The following GNG2 variants were observed in gnomAD, a reference collection of about 807,000 sequenced individuals.
GNG2 encodes the protein G protein subunit gamma 2, also known as guanine nucleotide-binding protein G(I)/G(S)/G(O) subunit gamma-2.
A neutral mutation model predicts 5.5 loss-of-function variants in GNG2; 5 were observed. The ratio of observed to expected loss-of-function variants is 0.91; its 90% confidence interval spans 0.48 to 1.92. GNG2 has a LOEUF of 1.92. Ranked by LOEUF, GNG2 falls within the 30% of genes most tolerant of loss-of-function variation. The pLI, the probability that GNG2 is intolerant of heterozygous loss-of-function variation, is 0.01. For synonymous variants in GNG2, 28 were observed against 32.0 expected (o/e 0.88, Z 0.42); for missense variants, 55 against 88.4 (o/e 0.62, Z 1.52).
intron 1 of GNG2, among the ~76,000 whole-genome samples, chr14:51,827,374 C>T (rs941507878): frequency 3.9e-5 from 6 of 152,206 alleles, no homozygotes; most frequent in Non-Finnish European, 8.8e-5. Context: ...CTACTCCAGG[C>T]TTATCAAACC....
chr14:51,927,997 A>G (rs1366749816), intron 2 of GNG2, among the ~76,000 whole-genome samples: 2 of 148,802 alleles, frequency 1.3e-5, no homozygotes, highest in East Asian at 2.0e-4. Flanking sequence ...TGAAGTCTCA[A>G]TTGGGTATTT....
chr14:51,918,489 T>C (rs1379186279), intron 2 of GNG2: 3 of 152,222 alleles, frequency 2.0e-5, no homozygotes, highest in Non-Finnish European at 4.4e-5. Context: ...CAAAGATATT[T>C]TCTAAAAATA....
intron 3 of GNG2, among the ~76,000 whole-genome samples, chr14:51,952,579 C>T (rs116679754): frequency 0.033 from 4,985 of 152,292 alleles, 193 homozygotes; most frequent in East Asian, 0.14. Flanking sequence ...TGATAAAAGT[C>T]TGTGAAGCTT....
chr14:51,906,656 T>C (rs1885937447), intron 2 of GNG2, among the ~76,000 whole-genome samples: 1 of 152,138 alleles, frequency 6.6e-6, no homozygotes, highest in Non-Finnish European at 1.5e-5. Flanking sequence ...TATTTTTAAA[T>C]GAATTTGCAA....
At chr14:51,906,510 T>C (rs1212738214) in intron 2 of GNG2, among the ~76,000 whole-genome samples, 2 of 152,184 alleles carry the variant, frequency 1.3e-5, no homozygotes, top group Non-Finnish European at 2.9e-5. Flanking sequence ...TGCATTGGCA[T>C]CTCTAGAACA....
chr14:51,965,012 A>T (rs1181712238), intron 3 of GNG2, among the ~76,000 whole-genome samples: 1 of 152,176 alleles, frequency 6.6e-6, no homozygotes, highest in Admixed American at 6.5e-5. Flanking sequence ...AGGGTTCCTC[A>T]TAAATTATTT....
At chr14:51,876,837 C>T (rs991353865) in intron 1 of GNG2, among the ~76,000 whole-genome samples, 8 of 152,136 alleles carry the variant, frequency 5.3e-5, no homozygotes, top group Admixed American at 4.6e-4. Flanking sequence ...TCATACTATT[C>T]TAGATGTGAG....
chr14:51,905,850 G>A (rs573576188), intron 2 of GNG2, among the ~76,000 whole-genome samples: 112 of 152,308 alleles, frequency 7.4e-4, no homozygotes, highest in African/African-American at 2.1e-3. Context: ...AATTTTACTC[G>A]GCACTTTTCC....
intron 2 of GNG2, among the ~76,000 whole-genome samples, chr14:51,847,687 G>A (rs78270164): frequency 0.05 from 7,619 of 152,074 alleles, 264 homozygotes; most frequent in Non-Finnish European, 0.077. Flanking sequence ...CAGACGAGAG[G>A]GGCCATGGAC....
At chr14:51,920,279 G>A (rs147751066) in intron 2 of GNG2, among the ~76,000 whole-genome samples, 3 of 151,984 alleles carry the variant, frequency 2.0e-5, no homozygotes, top group East Asian at 1.9e-4. Context: ...AGGGACAACG[G>A]TATTTGCATG....
At chr14:51,909,855 C>A (rs1209887810) in intron 2 of GNG2, among the ~76,000 whole-genome samples, 1 of 152,204 alleles carries the variant, frequency 6.6e-6, no homozygotes, top group Non-Finnish European at 1.5e-5. Flanking sequence ...CAACAGCCTA[C>A]AACCATTCCT....
At chr14:51,883,378 C>A (rs1244814814) in intron 2 of GNG2, among the ~76,000 whole-genome samples, 4 of 152,230 alleles carry the variant, frequency 2.6e-5, no homozygotes, top group Non-Finnish European at 5.9e-5. Flanking sequence ...TTAAATATCT[C>A]TGTTAGCTTT....
At chr14:51,830,910 T>C (rs1881170225) in intron 2 of GNG2, among the ~76,000 whole-genome samples, 1 of 152,230 alleles carries the variant, frequency 6.6e-6, no homozygotes, top group African/African-American at 2.4e-5. Context: ...AGCTAAATAG[T>C]TAAAATGGCT....
At chr14:51,865,949 G>GA (rs10578977) in intron 1 of GNG2, among the ~76,000 whole-genome samples, 55 of 151,030 alleles carry the variant, frequency 3.6e-4, no homozygotes, top group African/African-American at 1.2e-3. Context: ...ATTAAACACT[G>GA]AAAAAAAAAA....
intron 2 of GNG2, among the ~76,000 whole-genome samples, chr14:51,921,047 G>A (rs1470782337): frequency 6.6e-6 from 1 of 152,140 alleles, no homozygotes; most frequent in Admixed American, 6.5e-5. Context: ...TAAAATTAGA[G>A]AATTAAGATG....
chr14:51,870,898 A>G (rs1167166397), intron 1 of GNG2, among the ~76,000 whole-genome samples: 1 of 152,226 alleles, frequency 6.6e-6, no homozygotes, highest in African/African-American at 2.4e-5. Context: ...ATTTCTGTGC[A>G]TGTTCATCAT....
intron 2 of GNG2, among the ~76,000 whole-genome samples, chr14:51,888,466 A>G (rs1343159202): frequency 6.6e-6 from 1 of 152,050 alleles, no homozygotes; most frequent in Non-Finnish European, 1.5e-5. Context: ...CCACAGGTGC[A>G]CACCACCACG....
chr14:51,904,840 C>T lies in GNG2; in HGVS notation c.-30+27183C>T, dbSNP rs532937518. On this transcript the variant is annotated intron_variant, in intron 2 of 3. Transcript: ENST00000556766. The stretch of plus-strand genomic sequence containing the variant: ...TTCATTTCTTTAAAAAATTATTCTT[C>T]GGAAAGCACTTTGTGCCCATTGATA... Among the ~76,000 whole-genome samples the T allele has an allele frequency of 5.3e-5, 8 of 152,286 alleles. No homozygotes were observed. In the East Asian group the frequency reaches 5.8e-4, roughly 11 times the overall value.
intron 2 of GNG2, chr14:51,916,520 AAG>A (rs1403598283): frequency 1.5e-5 from 7 of 451,970 alleles, no homozygotes; most frequent in African/African-American, 1.4e-4. Context: ...GAAAAAAAAA[AAG>A]AAATGGAAAT....
Sources: allele counts gnomAD v4.1 joint callset (sites outside exome capture counted in the v4.1 genomes callset), GRCh38; gene constraint gnomAD v4.1.1; transcripts MANE v1.5; gene names NCBI Gene and HGNC (gene_info 2026-07-23, HGNC 2026-07-21).